Variants in SPIDR observed in about 807,000 individuals in gnomAD.
SPIDR encodes scaffold protein involved in DNA repair, also known as DNA repair-scaffolding protein.
A neutral mutation model predicts 104.6 loss-of-function variants in SPIDR; 93 were observed. The ratio of observed to expected loss-of-function variants is 0.89; its 90% CI spans 0.75 to 1.06. SPIDR has a LOEUF of 1.06. SPIDR is among the 50% of genes least tolerant of loss of function. SPIDR has a pLI of 0.00. For missense variants in SPIDR, 1,154 were observed against 1,111.2 expected (o/e 1.04, Z -0.55); for synonymous variants, 431 against 416.9 (o/e 1.03, Z -0.41).
intron 14 of SPIDR, among the ~76,000 whole-genome samples, chr8:47,710,928 C>T (rs920281852): frequency 2.0e-5 from 3 of 151,830 alleles, no homozygotes; most frequent in South Asian, 2.1e-4. Context: ...TACAGGCACT[C>T]GCCACCACAC....
intron 8 of SPIDR, among the ~76,000 whole-genome samples, chr8:47,496,515 A>G (rs1360283657): frequency 6.6e-6 from 1 of 152,114 alleles, no homozygotes; most frequent in Non-Finnish European, 1.5e-5. Flanking sequence ...TCAAGTGGTA[A>G]AGCAACCTAT....
At chr8:47,424,292 A>G (rs1280612680) in intron 7 of SPIDR, among the ~76,000 whole-genome samples, 2 of 152,288 alleles carry the variant, frequency 1.3e-5, no homozygotes, top group East Asian at 1.9e-4. Context: ...TTTTAAAACT[A>G]AAAGTAGTTA....
At chr8:47,633,794 A>G (rs1401135025) in intron 10 of SPIDR, among the ~76,000 whole-genome samples, 1 of 152,146 alleles carries the variant, frequency 6.6e-6, no homozygotes, top group Non-Finnish European at 1.5e-5. Context: ...GAACTTAATA[A>G]GTTAAAAATA....
chr8:47,729,326 A>T (rs2084825588), intron 18 of SPIDR, 86 bp from the exon 19 acceptor site: 17 of 1,512,442 alleles, frequency 1.1e-5, no homozygotes, highest in Non-Finnish European at 1.5e-5. Context: ...TGGATATAAC[A>T]TGTTAATTTT....
intron 10 of SPIDR, among the ~76,000 whole-genome samples, chr8:47,670,819 G>A (rs1288036611): frequency 2.6e-5 from 4 of 151,932 alleles, no homozygotes; most frequent in Admixed American, 1.3e-4. Flanking sequence ...GTTTATTTTG[G>A]GTTGTTTGTA....
At chr8:47,385,755 T>C (rs1220963277) in intron 5 of SPIDR, among the ~76,000 whole-genome samples, 10 of 152,226 alleles carry the variant, frequency 6.6e-5, no homozygotes, top group Admixed American at 6.5e-4. Context: ...TTTTTGTACA[T>C]CAAAGAAAAC....
rs751628630 is a variant in SPIDR, at chr8:47,712,655, A to T, written c.1978-7A>T. ...TAATTAATCTTTATTGTGTCTTCAA[A>T]TTGTAGCTGAAGAGTCTGCTGCTTC... On this transcript the variant is annotated splice_region_variant and splice_polypyrimidine_tract_variant and intron_variant, in intron 14 of 19. Transcript: ENST00000297423. 13 of 1,611,516 alleles carry T rather than the reference A, an allele frequency of 8.1e-6. No homozygotes were observed. In the South Asian group the frequency reaches 1.4e-4, roughly 18 times the overall value.
chr8:47,599,367 T>A (rs2061991241), intron 10 of SPIDR, among the ~76,000 whole-genome samples, 171 bp downstream of exon 10: 1 of 152,232 alleles, frequency 6.6e-6, no homozygotes, highest in African/African-American at 2.4e-5. Flanking sequence ...GATGAAGGAT[T>A]TTATCTATCT....
At position 47,685,513 on chromosome 8, in the gene SPIDR, A is replaced by ATTTTT. The variant is rs376980650; in HGVS notation, c.1685+11575_1685+11576insTTTTT. ...TATTTATTTATTTATTTATTTATTT[A>ATTTTT]TTTATTTTTTTGAGACAGTCTCTCT... On this transcript the variant is annotated intron_variant, in intron 11 of 19. Coordinates refer to ENST00000297423, the MANE Select transcript of SPIDR (RefSeq NM_001080394.4). Among the ~76,000 whole-genome samples, 607 of 121,022 alleles carry ATTTTT rather than the reference A, an allele frequency of 5.0e-3. 22 individuals carry two copies. The highest frequency in any genetic ancestry group is 7.8e-3 in the Non-Finnish European group (415 of 53,458). 79.4% of individuals were successfully genotyped at this position (121,022 alleles called of 152,430 possible).
chr8:47,328,466 G>A (rs1373760031), intron 5 of SPIDR, among the ~76,000 whole-genome samples: 27 of 145,738 alleles, frequency 1.9e-4, no homozygotes, highest in East Asian at 1.2e-3. Context: ...TATCCAGGTT[G>A]TTCTCAAACT....
intron 5 of SPIDR, among the ~76,000 whole-genome samples, chr8:47,311,512 T>C (rs2044149802): frequency 6.6e-6 from 1 of 152,138 alleles, no homozygotes; most frequent in Admixed American, 6.5e-5. Flanking sequence ...AGTGAAGCTG[T>C]TGAAAATAAT....
chr8:47,280,836 C>A (rs2037629838), intron 2 of SPIDR, among the ~76,000 whole-genome samples: 1 of 152,232 alleles, frequency 6.6e-6, no homozygotes, highest in Non-Finnish European at 1.5e-5. Flanking sequence ...CCATGCCCAG[C>A]TCACACCTGA....
Position 47,261,001 on chromosome 8 carries a change from G to C in SPIDR, c.33+10G>C. On this transcript the variant is annotated intron_variant, in intron 1 of 19. Transcript: ENST00000297423. ...CGCTCGGGGCTCTAAGGTAGGCTCT[G>C]GGGCGGGAGTGGGCGCCGCGCCGTT... is the stretch of plus-strand genomic sequence containing the variant. 1.6e-6 allele frequency: 2 copies of C among 1,228,146 alleles called. No individual in the cohort carries two copies. Among genetic ancestry groups the C allele is most frequent in the Non-Finnish European group, 2.0e-6 (2 of 985,464 alleles). 76.1% of individuals were successfully genotyped at this position (1,228,146 alleles called of 1,614,324 possible). A position where few individuals can be genotyped will look rare whatever the true frequency, so the allele number is the denominator to read the frequency against.
intron 8 of SPIDR, among the ~76,000 whole-genome samples, chr8:47,555,726 A>G (rs1587701043): frequency 6.6e-6 from 1 of 152,154 alleles, no homozygotes; most frequent in Admixed American, 6.6e-5. Flanking sequence ...CATGGCCTGT[A>G]TCCTCTCAAT....
intron 10 of SPIDR, among the ~76,000 whole-genome samples, chr8:47,601,025 A>G (rs935008526): frequency 2.0e-5 from 3 of 152,246 alleles, no homozygotes; most frequent in African/African-American, 7.2e-5. Context: ...GAGAAAAACT[A>G]GAAGCTAAAA....
chr8:47,411,545 T>C (rs1307477426), intron 7 of SPIDR, among the ~76,000 whole-genome samples: 3 of 152,242 alleles, frequency 2.0e-5, no homozygotes, highest in Non-Finnish European at 1.5e-5. Context: ...CATTGTAGAT[T>C]CTGGATATTA....
intron 10 of SPIDR, among the ~76,000 whole-genome samples, chr8:47,619,762 A>T (rs949347523): frequency 1.3e-5 from 2 of 151,916 alleles, no homozygotes; most frequent in Non-Finnish European, 2.9e-5. Flanking sequence ...CTAAGTCTTT[A>T]TAGTGCTGAG....
At chr8:47,328,639 A>C (rs1554602274) in intron 5 of SPIDR, among the ~76,000 whole-genome samples, 1 of 152,064 alleles carries the variant, frequency 6.6e-6, no homozygotes, top group Non-Finnish European at 1.5e-5. Context: ...GCAGGTCGTG[A>C]CACCCTTGTT....
intron 8 of SPIDR, among the ~76,000 whole-genome samples, chr8:47,590,210 C>A (rs2060834322): frequency 6.6e-6 from 1 of 151,006 alleles, no homozygotes; most frequent in South Asian, 2.1e-4. Flanking sequence ...TTCACTTTCT[C>A]TGAGTTTATT....
Sources: gnomAD v4.1 joint callset for allele counts (sites outside exome capture counted in the v4.1 genomes callset) on GRCh38, gnomAD v4.1.1 for gene constraint, MANE v1.5 for transcripts, NCBI Gene and HGNC (gene_info 2026-07-23, HGNC 2026-07-21) for gene names.